Variants in PKHD1 observed in about 807,000 individuals in gnomAD.
PKHD1 encodes PKHD1 ciliary IPT domain containing fibrocystin/polyductin.
In PKHD1, 291 loss-of-function variants were observed where a neutral mutation model predicts 412.0. That is an observed-to-expected ratio of 0.71 (90% CI 0.64 to 0.78). PKHD1 has a LOEUF of 0.78. Among genes scored for constraint, PKHD1 ranks in the 30% least tolerant of loss-of-function variants. The pLI is 0.00. For synonymous variants in PKHD1, 1,777 were observed against 1,821.5 expected (o/e 0.98, Z 0.62); for missense variants, 4,825 against 4,950.7 (o/e 0.97, Z 0.76).
At chr6:51,674,742 A>G (rs929452754) in intron 60 of PKHD1, among the ~76,000 whole-genome samples, 11 of 152,168 alleles carry the variant, frequency 7.2e-5, no homozygotes, top group African/African-American at 2.7e-4. Flanking sequence ...TGCACAATTT[A>G]TTGACAGGCA....
intron 37 of PKHD1, among the ~76,000 whole-genome samples, chr6:51,926,063 G>C (rs1353750149): frequency 6.6e-6 from 1 of 151,122 alleles, no homozygotes. Context: ...AATGTGAAAA[G>C]TAAACCTTAC....
At chr6:51,932,162 A>T (rs529186542) in intron 37 of PKHD1, among the ~76,000 whole-genome samples, 1 of 152,326 alleles carries the variant, frequency 6.6e-6, no homozygotes, top group Non-Finnish European at 1.5e-5. Context: ...ATTGCCCCAT[A>T]TTGACTGTAA....
At chr6:52,032,181 G>A (rs910890529) in intron 29 of PKHD1, among the ~76,000 whole-genome samples, 19 of 152,116 alleles carry the variant, frequency 1.2e-4, no homozygotes, top group Non-Finnish European at 1.5e-5. Flanking sequence ...CTTGAGCTAT[G>A]GAAAATGAAA....
intron 50 of PKHD1, among the ~76,000 whole-genome samples, chr6:51,839,518 T>C (rs1394035871): frequency 6.6e-6 from 1 of 152,062 alleles, no homozygotes; most frequent in Non-Finnish European, 1.5e-5. Flanking sequence ...GCTAAGAAAA[T>C]GGCTCCTGGT....
Position 51,703,449 on chromosome 6 carries a change from C to T in PKHD1, c.10156+40936G>A, listed in dbSNP as rs371672126. 8.6e-4 allele frequency among the ~76,000 whole-genome samples: 131 copies of T among 151,932 alleles called. 1 individual carries two copies. The highest frequency in any genetic ancestry group is 3.0e-3 in the African/African-American group (123 of 41,462). ...AATTATGATTCTGGTTATTTGAGGG[C>T]TCTAGTTAATGGAGAACTTCCCCCT... is the stretch of plus-strand genomic sequence containing the variant. On this transcript the variant is annotated intron_variant, in intron 60 of 66. Transcript: ENST00000371117.
intron 48 of PKHD1, among the ~76,000 whole-genome samples, chr6:51,863,787 A>T (rs1774597759): frequency 6.6e-6 from 1 of 152,200 alleles, no homozygotes; most frequent in Admixed American, 6.5e-5. Flanking sequence ...CTCCTCATGA[A>T]CATGTCCTAG....
intron 35 of PKHD1, among the ~76,000 whole-genome samples, chr6:51,967,440 G>C (rs910442975): frequency 6.6e-6 from 1 of 152,096 alleles, no homozygotes; most frequent in Admixed American, 6.6e-5. Flanking sequence ...ATTAAAACAT[G>C]CGCAAAATGG....
At chr6:51,679,206 C>G (rs184336684) in intron 60 of PKHD1, among the ~76,000 whole-genome samples, 2 of 152,140 alleles carry the variant, frequency 1.3e-5, no homozygotes, top group East Asian at 3.9e-4. Flanking sequence ...ACTCTGAAAT[C>G]TTTCATGGCT....
intron 55 of PKHD1, among the ~76,000 whole-genome samples, chr6:51,759,574 A>G (rs1157793091): frequency 6.6e-6 from 1 of 152,126 alleles, no homozygotes; most frequent in Non-Finnish European, 1.5e-5. Context: ...ATAAAGAAGT[A>G]AAAAAGTAGA....
chr6:52,028,400 T>C (rs1581829607), intron 29 of PKHD1, 49 bp from the exon 30 acceptor site: 1 of 1,533,700 alleles, frequency 6.5e-7, no homozygotes, highest in Non-Finnish European at 9.0e-7. Context: ...GTTTGTGGGC[T>C]CAACCATCTA....
chr6:51,749,300 T>C (rs933317221), intron 57 of PKHD1, among the ~76,000 whole-genome samples: 1 of 152,218 alleles, frequency 6.6e-6, no homozygotes, highest in Non-Finnish European at 1.5e-5. Flanking sequence ...CTACACTTTA[T>C]TCACTGTTTC....
At chr6:51,896,584 G>T (rs1411818472) in intron 43 of PKHD1, among the ~76,000 whole-genome samples, 26 of 151,826 alleles carry the variant, frequency 1.7e-4, no homozygotes, top group African/African-American at 6.3e-4. Flanking sequence ...CAGAAAAACT[G>T]GAAACTCTAA....
At chr6:51,783,531 T>C (rs1200234405) in intron 53 of PKHD1, among the ~76,000 whole-genome samples, 2 of 151,674 alleles carry the variant, frequency 1.3e-5, no homozygotes, top group Admixed American at 6.6e-5. Flanking sequence ...ACAGTCTTTA[T>C]TGAGTTGACT....
At chr6:51,889,609 T>G (rs1778791991) in intron 43 of PKHD1, among the ~76,000 whole-genome samples, 1 of 152,200 alleles carries the variant, frequency 6.6e-6, no homozygotes, top group Non-Finnish European at 1.5e-5. Context: ...CCAAAGGTTT[T>G]TAGATATTTT....
At chr6:52,065,577 A>G (rs1027284453) in intron 12 of PKHD1, among the ~76,000 whole-genome samples, 1 of 152,092 alleles carries the variant, frequency 6.6e-6, no homozygotes. Flanking sequence ...GGTGCGGGGG[A>G]TTTCCAGAGT....
At chr6:51,874,091 A>G (rs1192269752) in intron 46 of PKHD1, among the ~76,000 whole-genome samples, 1 of 152,212 alleles carries the variant, frequency 6.6e-6, no homozygotes, top group Non-Finnish European at 1.5e-5. Context: ...AGACAAATCC[A>G]CAAGTGAAAA....
At chr6:51,942,292 G>A (rs1213657122) in intron 36 of PKHD1, among the ~76,000 whole-genome samples, 4 of 151,702 alleles carry the variant, frequency 2.6e-5, no homozygotes, top group Non-Finnish European at 4.4e-5. Flanking sequence ...AACTGGGACT[G>A]TGCCCTGTAG....
At chr6:51,713,881 GC>G (rs571573398) in intron 60 of PKHD1, among the ~76,000 whole-genome samples, 53 of 152,238 alleles carry the variant, frequency 3.5e-4, no homozygotes, top group African/African-American at 1.2e-3. Context: ...AGAAAGCTGA[GC>G]AAAGTGGAAC....
chr6:51,838,607 TAG>T (rs1348935446), intron 50 of PKHD1, among the ~76,000 whole-genome samples: 1 of 152,194 alleles, frequency 6.6e-6, no homozygotes, highest in Non-Finnish European at 1.5e-5. Context: ...CAGGAAAAAT[TAG>T]AAGTCTGATT....
Sources: gnomAD v4.1 joint callset for allele counts (sites outside exome capture counted in the v4.1 genomes callset) on GRCh38, gnomAD v4.1.1 for gene constraint, MANE v1.5 for transcripts, NCBI Gene and HGNC (gene_info 2026-07-23, HGNC 2026-07-21) for gene names.